Variants in KDM2B observed in about 807,000 individuals in gnomAD.
KDM2B encodes lysine-specific demethylase 2B.
A neutral mutation model predicts 150.0 loss-of-function variants in KDM2B; 26 were observed. The ratio of observed to expected loss-of-function variants is 0.17; its 90% CI spans 0.13 to 0.24. The LOEUF is 0.24. Ranked by LOEUF, KDM2B falls within the 10% of genes least tolerant of loss-of-function variation. KDM2B has a pLI of 1.00. For synonymous variants in KDM2B, 734 were observed against 729.5 expected, an observed-to-expected ratio of 1.01 and a Z score of -0.10; for missense variants, 1,265 against 1,816.9, an observed-to-expected ratio of 0.70 and a Z score of 5.52.
At chr12:121,528,220 CCTAGG>C (rs1362734158) in intron 8 of KDM2B, among the ~76,000 whole-genome samples, 3 of 152,198 alleles carry the variant, frequency 2.0e-5, no homozygotes, top group Non-Finnish European at 4.4e-5. Flanking sequence ...AGGCAGCTCT[CCTAGG>C]TTACCTAGGA....
At chr12:121,574,621 G>A (rs2136569879) in intron 3 of KDM2B, 28 bp from the exon 4 acceptor site, 3 of 1,611,668 alleles carry the variant, frequency 1.9e-6, no homozygotes, top group East Asian at 2.2e-5. Flanking sequence ...CAGACCTTTG[G>A]TGAGAGGCCA....
At chr12:121,423,537 G>T in the KDM2B span, 1 of 1,614,150 alleles carries the variant, frequency 6.2e-7, no homozygotes, top group Non-Finnish European at 8.5e-7. This position sits in a 1 kb window ranked among gnomAD's most constrained non-coding sequence, Gnocchi z 4.3. Flanking sequence ...CCATCTGCCG[G>T]CAGTATGTGG....
chr12:121,575,820 A>G lies in KDM2B; in HGVS notation c.311T>C (p.Val104Ala), dbSNP rs1891460616. Residue 104 changes from valine to alanine, a missense_variant, in exon 3 of 23, where the codon GTT becomes GCT. This residue lies in a region of KDM2B where 214 missense variants were observed against 447.4 expected (regional missense o/e 0.48). Coordinates refer to ENST00000377071, the MANE Select transcript of KDM2B (RefSeq NM_032590.5). The surrounding 1 kb of genome is among the most constrained non-coding windows in gnomAD (Gnocchi z 4.4). The part of the protein sequence containing the change: ...YEYVQREALR[V>A]PLIFREKDGL... ...ATCCTTTTCTCGAAATATCAGGGGA[A>G]CCCTGAGAGCTTCTCTCTGTACGTA... The G allele has an allele frequency of 3.1e-6, 5 of 1,613,508 alleles. No homozygotes were observed. Among genetic ancestry groups the G allele is most frequent in the Non-Finnish European group, 4.2e-6 (5 of 1,179,416 alleles).
chr12:121,477,152 CA>C lies in KDM2B; in HGVS notation c.1734+17426del, dbSNP rs570423482. Among the ~76,000 whole-genome samples, 355 of 151,858 alleles carry C rather than the reference CA, an allele frequency of 2.3e-3. 2 individuals carry two copies. The highest frequency in any genetic ancestry group is 8.1e-3 in the African/African-American group (335 of 41,396). The stretch of plus-strand genomic sequence containing the variant: ...CAGTGGTGCCAATGATAGCTGACTG[CA>C]GATTCTAACTCCAGGCCTCAAGCAA... On this transcript the variant is annotated intron_variant, in intron 12 of 22. Coordinates refer to ENST00000377071, the MANE Select transcript of KDM2B (RefSeq NM_032590.5).
At chr12:121,576,112 A>G (rs1891475757) in intron 2 of KDM2B, among the ~76,000 whole-genome samples, 1 of 152,184 alleles carries the variant, frequency 6.6e-6, no homozygotes, top group African/African-American at 2.4e-5. Flanking sequence ...CCACCGGTCC[A>G]AACTTGTCAA....
chr12:121,569,066 A>G (rs1366824946), intron 4 of KDM2B, among the ~76,000 whole-genome samples: 1 of 152,222 alleles, frequency 6.6e-6, no homozygotes, highest in African/African-American at 2.4e-5. Flanking sequence ...CAGAGGCTGC[A>G]AGACACAGGC....
Position 121,518,365 on chromosome 12 carries a change from G to A in KDM2B, c.1047+2620C>T, listed in dbSNP as rs782451826. Among the ~76,000 whole-genome samples the A allele has an allele frequency of 1.3e-5, 2 of 152,038 alleles. No individual in the cohort carries two copies. The highest frequency in any genetic ancestry group is 2.4e-5 in the African/African-American group (1 of 41,362). On this transcript the variant is annotated intron_variant, in intron 9 of 22. Transcript: ENST00000377071. This position sits in a 1 kb window ranked among gnomAD's most constrained non-coding sequence, Gnocchi z 4.4. ...CCTAAGGCATAAACAATTGGGCCTC[G>A]TAGCCAAGTCCCTCTCTCAAGACCA...
At chr12:121,491,793 C>CA (rs111704010) in intron 12 of KDM2B, among the ~76,000 whole-genome samples, 918 of 51,924 alleles carry the variant, frequency 0.018, 9 homozygotes, top group East Asian at 0.085. Flanking sequence ...GATTCCATCT[C>CA]AAAAAAAAAA....
At chr12:121,487,357 A>G (rs575333843) in intron 12 of KDM2B, among the ~76,000 whole-genome samples, 3 of 152,248 alleles carry the variant, frequency 2.0e-5, no homozygotes, top group African/African-American at 7.2e-5. Context: ...TCCAGACTCC[A>G]TAAATGACTC....
chr12:121,495,575 C>T (rs1555300840), intron 11 of KDM2B, among the ~76,000 whole-genome samples: 1 of 152,210 alleles, frequency 6.6e-6, no homozygotes, highest in African/African-American at 2.4e-5. Flanking sequence ...GCTGGGATTA[C>T]AGGGGTAAGC....
chr12:121,513,463 G>A lies in KDM2B; in HGVS notation c.1048-61C>T. ...TCCAGAGGGCGAAGGGGGAAGGAGG[G>A]AGAGAAGTGCGGGGCAGGCTCCCTG... On this transcript the variant is annotated intron_variant, in intron 9 of 22. Transcript: ENST00000377071. This position sits in a 1 kb window ranked among gnomAD's most constrained non-coding sequence, Gnocchi z 5.0. The A allele has an allele frequency of 6.3e-7, 1 of 1,586,438 alleles. No homozygotes were observed. The highest frequency in any genetic ancestry group is 8.6e-7 in the Non-Finnish European group (1 of 1,158,414).
chr12:121,511,132 TCC>T (rs1885548023), intron 10 of KDM2B, among the ~76,000 whole-genome samples: 1 of 151,656 alleles, frequency 6.6e-6, no homozygotes, highest in East Asian at 1.9e-4. Flanking sequence ...TGCCTCAGCC[TCC>T]CGAGTAGCTG....
intron 13 of KDM2B, among the ~76,000 whole-genome samples, chr12:121,451,981 G>A (rs1877362711): frequency 1.3e-5 from 2 of 151,980 alleles, no homozygotes; most frequent in African/African-American, 2.4e-5. Flanking sequence ...AAAGGAAATT[G>A]TCATATGCTT....
intron 13 of KDM2B, among the ~76,000 whole-genome samples, chr12:121,446,298 T>C (rs1411026113): frequency 6.6e-6 from 1 of 152,166 alleles, no homozygotes; most frequent in Non-Finnish European, 1.5e-5. Context: ...CTCGGGAGAC[T>C]GAGGCAGGAG....
intron 12 of KDM2B, among the ~76,000 whole-genome samples, chr12:121,490,811 A>G (rs1353904534): frequency 6.6e-6 from 1 of 152,172 alleles, no homozygotes; most frequent in Non-Finnish European, 1.5e-5. Context: ...GCACCTAATC[A>G]GTTCCAGAAA....
chr12:121,417,077 A>G, the KDM2B span, among the ~76,000 whole-genome samples: 2 of 152,208 alleles, frequency 1.3e-5, no homozygotes, highest in South Asian at 2.1e-4. The surrounding 1 kb of genome is among the most constrained non-coding windows in gnomAD (Gnocchi z 5.0). Context: ...TCACCTTGAG[A>G]GATCAGTTGC....
In KDM2B at chr12:121,531,659, C is replaced by A. The variant is rs1887669504; in HGVS notation, c.931+1147G>T. Among the ~76,000 whole-genome samples, 3 of 152,182 alleles carry A rather than the reference C, an allele frequency of 2.0e-5. No individual in the cohort carries two copies. In the South Asian group the frequency reaches 6.2e-4, roughly 32 times the overall value. On this transcript the variant is annotated intron_variant, in intron 8 of 22. Coordinates refer to ENST00000377071, the MANE Select transcript of KDM2B (RefSeq NM_032590.5). ...TCCTTCACCTGGCTGACTGCAGTTACCATATGCCTTCACTTCCTCATGTAA... is the reference window on the plus strand; with the variant it reads ...TCCTTCACCTGGCTGACTGCAGTTAACATATGCCTTCACTTCCTCATGTAA...
Position 121,440,900 on chromosome 12 carries a change from G to A in KDM2B, c.3526C>T (p.Arg1176Trp), listed in dbSNP as rs782089980. ...TCCACCCACTGGACATCCAGGGTCC[G>A]GAGCAGCGGACAACTGGAGCTGCAA... The part of the protein sequence containing the change: ...ALCSSSCPLL[R>W]TLDVQWVEGL... Residue 1176 changes from arginine (R) to tryptophan (W), a missense_variant, in exon 21 of 23, where the codon CGG becomes TGG. Transcript: ENST00000377071. 1.1e-5 allele frequency: 17 copies of A among 1,613,940 alleles called. No individual in the cohort carries two copies. Among genetic ancestry groups the A allele is most frequent in the East Asian group, 4.5e-5 (2 of 44,896 alleles).
chr12:121,526,301 C>T (rs1171238016), intron 8 of KDM2B, among the ~76,000 whole-genome samples: 1 of 151,870 alleles, frequency 6.6e-6, no homozygotes, highest in African/African-American at 2.4e-5. Context: ...TGCAGTGAGC[C>T]AATATTGTGC....
Sources: allele counts gnomAD v4.1 joint callset (sites outside exome capture counted in the v4.1 genomes callset), GRCh38; gene constraint gnomAD v4.1.1; regional missense constraint gnomAD v4.1.1; non-coding constraint Gnocchi (gnomAD v3.1); transcripts MANE v1.5; gene names NCBI Gene and HGNC (gene_info 2026-07-23, HGNC 2026-07-21).